DRC11: variants seen among roughly 807,000 people sequenced by gnomAD.
DRC11 encodes the protein dynein regulatory complex subunit 11, also known as IQ and AAA domain-containing protein 1.
the DRC11 span, among the ~76,000 whole-genome samples, chr2:236,349,959 T>C: frequency 1.3e-5 from 2 of 152,356 alleles, no homozygotes; most frequent in African/African-American, 2.4e-5. This position sits in a 1 kb window ranked among gnomAD's most constrained non-coding sequence, Gnocchi z 5.5. Context: ...CTTCTCGCGA[T>C]GTCCACGTGG....
the DRC11 span, among the ~76,000 whole-genome samples, chr2:236,482,076 T>TTATATGTATAATTCTACA: frequency 6.7e-6 from 1 of 149,746 alleles, no homozygotes; most frequent in Admixed American, 6.7e-5. The surrounding 1 kb of genome is among the most constrained non-coding windows in gnomAD (Gnocchi z 4.5). Flanking sequence ...ATTCTACATA[T>TTATATGTATAATTCTACA]TATATGTATA....
the DRC11 span, among the ~76,000 whole-genome samples, chr2:236,382,534 T>C: frequency 1.3e-5 from 2 of 152,338 alleles, no homozygotes; most frequent in Admixed American, 1.3e-4. Context: ...TATAAAAATA[T>C]CCTAATGGAC....
the DRC11 span, among the ~76,000 whole-genome samples, chr2:236,448,387 T>G: frequency 6.6e-6 from 1 of 152,250 alleles, no homozygotes; most frequent in Non-Finnish European, 1.5e-5. This position sits in a 1 kb window ranked among gnomAD's most constrained non-coding sequence, Gnocchi z 5.3. Flanking sequence ...TATTTACTTA[T>G]TTTTGAGACA....
the DRC11 span, among the ~76,000 whole-genome samples, chr2:236,445,146 G>A: frequency 3.3e-5 from 5 of 151,998 alleles, no homozygotes; most frequent in East Asian, 1.9e-4. The surrounding 1 kb of genome is among the most constrained non-coding windows in gnomAD (Gnocchi z 4.8). Flanking sequence ...TTTTATTTTC[G>A]TATTGTAAAG....
the DRC11 span, among the ~76,000 whole-genome samples, chr2:236,461,270 G>A: frequency 1.3e-5 from 2 of 152,094 alleles, no homozygotes; most frequent in Non-Finnish European, 2.9e-5. The surrounding 1 kb of genome is among the most constrained non-coding windows in gnomAD (Gnocchi z 4.0). Flanking sequence ...ACGAGAAAAT[G>A]GGGAAAGTTT....
the DRC11 span, among the ~76,000 whole-genome samples, chr2:236,325,575 A>G: frequency 5.9e-5 from 9 of 151,420 alleles, no homozygotes; most frequent in African/African-American, 2.2e-4. This position sits in a 1 kb window ranked among gnomAD's most constrained non-coding sequence, Gnocchi z 4.4. Flanking sequence ...TGTAAGTGGG[A>G]AACTCTCTTG....
At chr2:236,499,809 T>C in the DRC11 span, among the ~76,000 whole-genome samples, 2 of 152,194 alleles carry the variant, frequency 1.3e-5, no homozygotes, top group South Asian at 2.1e-4. This position sits in a 1 kb window ranked among gnomAD's most constrained non-coding sequence, Gnocchi z 4.7. Flanking sequence ...TTTATTGCCA[T>C]TTTGGAGGCA....
chr2:236,309,874 G>A, the DRC11 span, among the ~76,000 whole-genome samples: 2 of 152,212 alleles, frequency 1.3e-5, no homozygotes, highest in South Asian at 2.1e-4. The surrounding 1 kb of genome is among the most constrained non-coding windows in gnomAD (Gnocchi z 5.7). Context: ...GCCTCACCAA[G>A]GAGGGAGGCC....
At chr2:236,419,187 C>CT in the DRC11 span, 6 of 1,538,996 alleles carry the variant, frequency 3.9e-6, no homozygotes, top group Admixed American at 1.2e-4. This position sits in a 1 kb window ranked among gnomAD's most constrained non-coding sequence, Gnocchi z 4.8. Flanking sequence ...TGTTTTTTGG[C>CT]TTTCTTGGGT....
chr2:236,459,545 A>G, the DRC11 span, among the ~76,000 whole-genome samples: 210 of 124,620 alleles, frequency 1.7e-3, 1 homozygote, highest in African/African-American at 6.4e-3. Flanking sequence ...GTATACGTAT[A>G]CGTATACATG....
the DRC11 span, among the ~76,000 whole-genome samples, chr2:236,384,675 T>C: frequency 1.3e-5 from 2 of 151,776 alleles, no homozygotes; most frequent in Non-Finnish European, 2.9e-5. Flanking sequence ...TTAGATCCCA[T>C]TTGTCAATTT....
the DRC11 span, among the ~76,000 whole-genome samples, chr2:236,424,139 C>T: frequency 1.3e-5 from 2 of 151,572 alleles, no homozygotes; most frequent in Non-Finnish European, 2.9e-5. Flanking sequence ...CAGCACGGCA[C>T]ATGTATACAT....
chr2:236,321,164 AT>A, the DRC11 span, among the ~76,000 whole-genome samples: 10 of 151,344 alleles, frequency 6.6e-5, no homozygotes, highest in South Asian at 4.2e-4. Context: ...TTATTTATTT[AT>A]TTTTTTTTGG....
chr2:236,479,441 T>C, the DRC11 span, among the ~76,000 whole-genome samples: 1 of 152,318 alleles, frequency 6.6e-6, no homozygotes, highest in South Asian at 2.1e-4. This position sits in a 1 kb window ranked among gnomAD's most constrained non-coding sequence, Gnocchi z 4.1. Flanking sequence ...CCTTTGTGTT[T>C]AGGTGATTTT....
the DRC11 span, among the ~76,000 whole-genome samples, chr2:236,506,886 C>T: frequency 0.067 from 10,225 of 152,234 alleles, 852 homozygotes; most frequent in African/African-American, 0.19. The surrounding 1 kb of genome is among the most constrained non-coding windows in gnomAD (Gnocchi z 4.9). Flanking sequence ...CTAGGTGTTT[C>T]CACAAAGCAC....
chr2:236,355,749 C>CTCTCTG, the DRC11 span, among the ~76,000 whole-genome samples: 905 of 107,940 alleles, frequency 8.4e-3, 7 homozygotes, highest in African/African-American at 0.026. Flanking sequence ...CTCTCTCTCT[C>CTCTCTG]TGTGTGTGTG....
the DRC11 span, among the ~76,000 whole-genome samples, chr2:236,469,561 T>A: frequency 6.6e-6 from 1 of 152,226 alleles, no homozygotes; most frequent in Non-Finnish European, 1.5e-5. This position sits in a 1 kb window ranked among gnomAD's most constrained non-coding sequence, Gnocchi z 5.8. Flanking sequence ...TTTAGTGCTG[T>A]GTTTCTCCTA....
chr2:236,456,997 GC>G, the DRC11 span, among the ~76,000 whole-genome samples: 1 of 152,126 alleles, frequency 6.6e-6, no homozygotes, highest in Non-Finnish European at 1.5e-5. This position sits in a 1 kb window ranked among gnomAD's most constrained non-coding sequence, Gnocchi z 5.4. Context: ...CTGGCTGTGG[GC>G]CAGGCAGCCC....
At chr2:236,416,770 A>ATATATAT in the DRC11 span, among the ~76,000 whole-genome samples, 1 of 69,598 alleles carries the variant, frequency 1.4e-5, no homozygotes, top group African/African-American at 5.1e-5. Flanking sequence ...TATATATATA[A>ATATATAT]ATAATTTTGC....
Sources: gnomAD v4.1 joint callset for allele counts (sites outside exome capture counted in the v4.1 genomes callset) on GRCh38, gnomAD v4.1.1 for gene constraint, Gnocchi (gnomAD v3.1) non-coding constraint, MANE v1.5 for transcripts, NCBI Gene and HGNC (gene_info 2026-07-23, HGNC 2026-07-21) for gene names.